SNX14: variants seen among roughly 807,000 people sequenced by gnomAD.
The protein encoded by SNX14 is sorting nexin-14.
SNX14 carries 93 observed loss-of-function variants against 133.8 expected under a neutral mutation model. That is an observed-to-expected ratio of 0.70 (90% CI 0.59 to 0.83). The LOEUF (loss-of-function observed/expected upper bound fraction) is 0.83. Ranked by LOEUF, SNX14 falls within the 40% of genes least tolerant of loss-of-function variation. The probability of loss-of-function intolerance (pLI) is 0.00; values close to 1 mark genes in which losing one functional copy is unlikely to be tolerated. For synonymous variants in SNX14, 368 were observed against 365.6 expected (o/e 1.01, Z -0.07); for missense variants, 945 against 1,094.9 (o/e 0.86, Z 1.93).
chr6:85,511,427 T>G (rs934795452), intron 26 of SNX14, among the ~76,000 whole-genome samples: 3 of 152,220 alleles, frequency 2.0e-5, no homozygotes, highest in African/African-American at 7.2e-5. Flanking sequence ...CTTACTGCAC[T>G]AACTAGGACT....
chr6:85,572,048 C>T lies in SNX14; in HGVS notation c.417+89G>A, dbSNP rs1371622495. ...TTAAGTGACATGTATTAAGATGCTC[C>T]ATGATTAAATTTTTTGATTAAAAAT... On this transcript the variant is annotated intron_variant, in intron 4 of 28. Coordinates refer to ENST00000314673, the MANE Select transcript of SNX14 (RefSeq NM_153816.6). 3 of 1,078,214 alleles carry T rather than the reference C, an allele frequency of 2.8e-6. No homozygotes were observed. In the Admixed American group the frequency reaches 6.7e-5, roughly 24 times the overall value. 66.8% of individuals were successfully genotyped at this position (1,078,214 alleles called of 1,614,324 possible).
intron 17 of SNX14, among the ~76,000 whole-genome samples, chr6:85,534,717 A>AATTATGT (rs1186647792): frequency 1.3e-5 from 2 of 152,172 alleles, no homozygotes; most frequent in African/African-American, 4.8e-5. Context: ...TTCCACAAAA[A>AATTATGT]ATTATGTTTT....
intron 17 of SNX14, among the ~76,000 whole-genome samples, chr6:85,534,102 G>A (rs1340368238): frequency 1.3e-5 from 2 of 152,170 alleles, no homozygotes; most frequent in African/African-American, 4.8e-5. Context: ...GGGCCCAGGA[G>A]TTTGAGACTA....
At chr6:85,590,559 G>A (rs760846877) in intron 1 of SNX14, among the ~76,000 whole-genome samples, 5 of 152,132 alleles carry the variant, frequency 3.3e-5, no homozygotes, top group Non-Finnish European at 7.3e-5. Context: ...GTCAGCAGAG[G>A]CTTTTTCTCC....
At chr6:85,568,853 G>C (rs1360952494) in intron 4 of SNX14, among the ~76,000 whole-genome samples, 1 of 152,174 alleles carries the variant, frequency 6.6e-6, no homozygotes, top group East Asian at 1.9e-4. Context: ...GAATAGGATA[G>C]AGAGAACAGA....
intron 6 of SNX14, among the ~76,000 whole-genome samples, chr6:85,559,454 T>C (rs573138177): frequency 5.9e-5 from 9 of 152,348 alleles, no homozygotes; most frequent in Admixed American, 3.9e-4. Flanking sequence ...ATAATGGGTT[T>C]GTCACTAAAC....
chr6:85,508,548 G>T, intron 26 of SNX14: 1 of 244,396 alleles, frequency 4.1e-6, no homozygotes, highest in East Asian at 1.8e-4. Flanking sequence ...TATTTTCATA[G>T]TGCTCTTAAT....
intron 1 of SNX14, among the ~76,000 whole-genome samples, chr6:85,576,994 T>C (rs1000556370): frequency 6.6e-6 from 1 of 152,206 alleles, no homozygotes; most frequent in African/African-American, 2.4e-5. Context: ...GTTAGAAAAC[T>C]GTTGCAGTAA....
chr6:85,564,858 A>G (rs1038856938), intron 6 of SNX14, among the ~76,000 whole-genome samples: 10 of 151,872 alleles, frequency 6.6e-5, no homozygotes, highest in African/African-American at 2.2e-4. Flanking sequence ...GCGTGGTGGC[A>G]TATTCCTGTA....
At chr6:85,565,693 C>G (rs1441693448) in intron 5 of SNX14, among the ~76,000 whole-genome samples, 2 of 152,042 alleles carry the variant, frequency 1.3e-5, no homozygotes, top group Admixed American at 6.5e-5. Flanking sequence ...TTTTACAATA[C>G]TGAGATTATG....
chr6:85,586,212 T>C (rs1191001674), intron 1 of SNX14, among the ~76,000 whole-genome samples: 4 of 152,174 alleles, frequency 2.6e-5, no homozygotes, highest in Admixed American at 2.6e-4. Flanking sequence ...TGATGGCCTG[T>C]GGACAAAAGT....
At chr6:85,584,980 CAG>C (rs1309915523) in intron 1 of SNX14, among the ~76,000 whole-genome samples, 1 of 152,168 alleles carries the variant, frequency 6.6e-6, no homozygotes, top group Non-Finnish European at 1.5e-5. Context: ...TACACAATAG[CAG>C]AGACTTGGAA....
In SNX14 at chr6:85,543,267, G is replaced by A; in HGVS notation, c.1304C>T (p.Thr435Ile). 6.3e-7 allele frequency: 1 copy of A among 1,596,314 alleles called. No homozygotes were observed. The highest frequency in any genetic ancestry group is 8.5e-7 in the Non-Finnish European group (1 of 1,173,570). The stretch of plus-strand genomic sequence containing the variant: ...ATATGCTTCAAAAAGACATCTCATA[G>A]TTTGAAGTTTCACAACATCTATGTA... ...GPYIDVVKLQTMRCLFEAYEH... is the reference protein window; with the variant it reads ...GPYIDVVKLQIMRCLFEAYEH... The change falls in exon 14 of 29, where the codon ACT becomes ATT. Residue 435 changes from threonine to isoleucine, a missense_variant. Thr to Ile is a moderately conservative substitution (Grantham distance 89). Around this residue, in one of 3 missense-constraint regions of SNX14, gnomAD observed 514 missense variants for 538.8 expected, o/e 0.95. Coordinates refer to ENST00000314673, the MANE Select transcript of SNX14 (RefSeq NM_153816.6).
chr6:85,558,038 GT>G lies in SNX14; in HGVS notation c.571del (p.Thr191ProfsTer5). 6.4e-7 allele frequency: 1 copy of G among 1,574,044 alleles called. No individual in the cohort carries two copies. Among genetic ancestry groups the G allele is most frequent in the Non-Finnish European group, 8.7e-7 (1 of 1,149,966 alleles). ...CATTGCTGCTTTTAATAGTTTCTTG[GT>G]TATAATAGATGGAATATCCACCTAG... ...IHKVDIPSII[T>X]KKLLKAAMKH... On this transcript the variant is annotated frameshift_variant, in exon 7 of 29. Transcript: ENST00000314673. LOFTEE classifies it high-confidence loss of function.
At chr6:85,539,041 G>A (rs1393218602) in intron 15 of SNX14, among the ~76,000 whole-genome samples, 177 bp from the exon 16 acceptor site, 1 of 152,160 alleles carries the variant, frequency 6.6e-6, no homozygotes, top group Non-Finnish European at 1.5e-5. Context: ...ATAAAGGTAA[G>A]ATAAACGCAC....
At chr6:85,592,713 G>A (rs141410639) in intron 1 of SNX14, among the ~76,000 whole-genome samples, 24 of 152,190 alleles carry the variant, frequency 1.6e-4, no homozygotes, top group African/African-American at 5.8e-4. Flanking sequence ...GATGTGGCCG[G>A]GTGCGGTGGC....
chr6:85,521,682 TTTGCTGTTTAAAAGAAAAAAA>T lies in SNX14; in HGVS notation c.2108-3655_2108-3635del, dbSNP rs967763958. Among the ~76,000 whole-genome samples the T allele has an allele frequency of 6.6e-6, 1 of 152,162 alleles. No homozygotes were observed. The highest frequency in any genetic ancestry group is 1.5e-5 in the Non-Finnish European group (1 of 68,026). Reference sequence around the variant, plus strand: ...ATTAGATTGGTGCAAAAGAGAGATTTTTGCTGTTTAAAAGAAAAAAAGGCAAAAGCCACAATTACTTTTGCA... The same window carrying T: ...ATTAGATTGGTGCAAAAGAGAGATTTGGCAAAAGCCACAATTACTTTTGCA... On this transcript the variant is annotated intron_variant, in intron 21 of 28. Coordinates refer to ENST00000314673, the MANE Select transcript of SNX14 (RefSeq NM_153816.6).
At chr6:85,559,940 T>G (rs1230878653) in intron 6 of SNX14, among the ~76,000 whole-genome samples, 6 of 152,226 alleles carry the variant, frequency 3.9e-5, no homozygotes, top group Non-Finnish European at 7.3e-5. Context: ...CACCATGGAA[T>G]ATCATGTCAC....
chr6:85,541,997 G>A lies in SNX14; in HGVS notation c.1436C>T (p.Ser479Leu). 6.3e-7 allele frequency: 1 copy of A among 1,594,542 alleles called. No homozygotes were observed. Among genetic ancestry groups the A allele is most frequent in the Non-Finnish European group, 8.5e-7 (1 of 1,171,608 alleles). The change falls in exon 15 of 29, where the codon TCA becomes TTA. Residue 479 changes from serine (S) to leucine (L), a missense_variant. By Grantham distance (145) the Ser-to-Leu change is moderately radical (BLOSUM62 -2). Coordinates refer to ENST00000314673, the MANE Select transcript of SNX14 (RefSeq NM_153816.6). ...LRGAESPTRN[S>L]KLNRGSLSLD... ...ACATACAACCTACCTGTTCAATTTT[G>A]AATTGCGTGTTGGTGATTCTGCACC...
Sources: allele counts gnomAD v4.1 joint callset (sites outside exome capture counted in the v4.1 genomes callset), GRCh38; gene constraint gnomAD v4.1.1; regional missense constraint gnomAD v4.1.1; transcripts MANE v1.5; gene names NCBI Gene and HGNC (gene_info 2026-07-23, HGNC 2026-07-21).